Variants in ITFG1 observed in about 807,000 individuals in gnomAD.
ITFG1 encodes T-cell immunomodulatory protein.
ITFG1 carries 34 observed loss-of-function variants against 81.8 expected under a neutral mutation model. The observed-to-expected ratio is 0.42, with a 90% CI of 0.32 to 0.55. The LOEUF is 0.55. ITFG1 is among the 20% of genes least tolerant of loss of function. The pLI is 0.17. For synonymous variants in ITFG1, 285 were observed against 270.6 expected (o/e 1.05, Z -0.52); for missense variants, 672 against 755.4 (o/e 0.89, Z 1.29).
intron 7 of ITFG1, among the ~76,000 whole-genome samples, chr16:47,374,343 A>T (rs1048354771): frequency 6.6e-6 from 1 of 152,200 alleles, no homozygotes; most frequent in Non-Finnish European, 1.5e-5. Flanking sequence ...TTTAAAGAAA[A>T]CAATAACAAA....
chr16:47,377,945 C>G (rs147355553), intron 6 of ITFG1, among the ~76,000 whole-genome samples: 1 of 152,168 alleles, frequency 6.6e-6, no homozygotes, highest in South Asian at 2.1e-4. Context: ...AATAATTGCT[C>G]TATTATGTCT....
At chr16:47,379,627 G>A (rs1968370458) in intron 6 of ITFG1, among the ~76,000 whole-genome samples, 1 of 151,466 alleles carries the variant, frequency 6.6e-6, no homozygotes, top group Non-Finnish European at 1.5e-5. Flanking sequence ...GGAGGTTGCA[G>A]TGAGCCGAGA....
chr16:47,446,122 AAAC>A (rs1485151873), intron 5 of ITFG1, among the ~76,000 whole-genome samples: 2 of 152,354 alleles, frequency 1.3e-5, no homozygotes, highest in East Asian at 1.9e-4. Context: ...ACATTTAATG[AAAC>A]AACAACAAGC....
rs79578974 is a variant in ITFG1, at chr16:47,373,887, C to A, written c.720+1989G>T. ...TAGTATGTGACTGCAAAGTCTCTGT[C>A]CAATCTCTAATTGAAAATGATCATT... On this transcript the variant is annotated intron_variant, in intron 7 of 17. Transcript: ENST00000320640. 2.2e-3 allele frequency among the ~76,000 whole-genome samples: 329 copies of A among 152,228 alleles called. 1 individual carries two copies. Among genetic ancestry groups the A allele is most frequent in the East Asian group, 0.014 (73 of 5,190 alleles).
chr16:47,239,315 C>T (rs1307783965), intron 12 of ITFG1, among the ~76,000 whole-genome samples: 2 of 152,096 alleles, frequency 1.3e-5, no homozygotes, highest in African/African-American at 2.4e-5. Flanking sequence ...ATTCTCCTGC[C>T]TCAGCCTCCC....
At chr16:47,214,102 G>A (rs1357554720) in intron 14 of ITFG1, among the ~76,000 whole-genome samples, 1 of 152,170 alleles carries the variant, frequency 6.6e-6, no homozygotes, top group Non-Finnish European at 1.5e-5. Context: ...TAAATTATGA[G>A]ATACCTAGCT....
chr16:47,166,226 A>G (rs772286738), intron 14 of ITFG1, among the ~76,000 whole-genome samples: 9 of 152,216 alleles, frequency 5.9e-5, no homozygotes, highest in Admixed American at 4.6e-4. Context: ...CCTTATGTTA[A>G]AAGACTTATT....
chr16:47,296,725 C>T (rs1966987638), intron 10 of ITFG1, among the ~76,000 whole-genome samples: 1 of 152,194 alleles, frequency 6.6e-6, no homozygotes, highest in Non-Finnish European at 1.5e-5. Context: ...CTTGGGCCAC[C>T]GCGCCTGGCT....
intron 14 of ITFG1, among the ~76,000 whole-genome samples, chr16:47,169,913 A>C (rs1461561230): frequency 4.6e-5 from 7 of 152,188 alleles, no homozygotes; most frequent in Non-Finnish European, 1.0e-4. Context: ...AGTTTTGTCA[A>C]ATTTTTTTTA....
chr16:47,452,181 T>C (rs1969397691), intron 4 of ITFG1, among the ~76,000 whole-genome samples: 1 of 152,194 alleles, frequency 6.6e-6, no homozygotes, highest in Non-Finnish European at 1.5e-5. Context: ...AGAAAGACAG[T>C]ACTGGAAACA....
rs796794212 is a variant in ITFG1, at chr16:47,278,932, CAA to C, written c.1071-18239_1071-18238del. ...GAAATTCTTACATTTCTTCTGCATT[CAA>C]AGTTTAACATTCATAAAAAATTAGG... On this transcript the variant is annotated intron_variant, in intron 10 of 17. Transcript: ENST00000320640. Among the ~76,000 whole-genome samples, 122 of 152,200 alleles carry C rather than the reference CAA, an allele frequency of 8.0e-4. 1 individual carries two copies. The highest frequency in any genetic ancestry group is 2.8e-3 in the African/African-American group (116 of 41,546).
chr16:47,443,519 C>G (rs970575835), intron 5 of ITFG1, among the ~76,000 whole-genome samples: 1 of 152,088 alleles, frequency 6.6e-6, no homozygotes. Flanking sequence ...AAATGATAGA[C>G]TGGATTAAGA....
chr16:47,302,934 G>C (rs1239236783), intron 10 of ITFG1, among the ~76,000 whole-genome samples: 1 of 152,202 alleles, frequency 6.6e-6, no homozygotes, highest in Non-Finnish European at 1.5e-5. Flanking sequence ...CAAAAACAGA[G>C]ACGGGGTCTT....
At chr16:47,207,688 C>A (rs1167515336) in intron 14 of ITFG1, among the ~76,000 whole-genome samples, 1 of 152,116 alleles carries the variant, frequency 6.6e-6, no homozygotes, top group Non-Finnish European at 1.5e-5. Context: ...GAAGTAGATG[C>A]CGTCAGAGAG....
chr16:47,300,929 C>T (rs1967066006), intron 10 of ITFG1, among the ~76,000 whole-genome samples: 1 of 152,176 alleles, frequency 6.6e-6, no homozygotes, highest in African/African-American at 2.4e-5. Flanking sequence ...CTCAATTCTA[C>T]TACTAAGTGA....
intron 14 of ITFG1, among the ~76,000 whole-genome samples, chr16:47,178,021 A>G (rs984879299): frequency 1.3e-5 from 2 of 152,240 alleles, no homozygotes; most frequent in African/African-American, 4.8e-5. Flanking sequence ...ACGCCAAAAG[A>G]TATTATGACT....
At chr16:47,391,588 G>T (rs1193903542) in intron 6 of ITFG1, among the ~76,000 whole-genome samples, 1 of 152,136 alleles carries the variant, frequency 6.6e-6, no homozygotes, top group Non-Finnish European at 1.5e-5. Flanking sequence ...CATATATAGT[G>T]TTTAAAGTTC....
At chr16:47,396,122 T>G in intron 6 of ITFG1, 1 of 977,794 alleles carries the variant, frequency 1.0e-6, no homozygotes, top group Non-Finnish European at 1.2e-6. Context: ...TCCATTTTCT[T>G]AAGTATAGTG....
chr16:47,344,830 C>T (rs112926964), intron 8 of ITFG1, among the ~76,000 whole-genome samples: 9,199 of 152,218 alleles, frequency 0.06, 410 homozygotes, highest in African/African-American at 0.12. Flanking sequence ...TGTTGTCTTT[C>T]TGTGCCTGGC....
Sources: gnomAD v4.1 joint callset for allele counts (sites outside exome capture counted in the v4.1 genomes callset) on GRCh38, gnomAD v4.1.1 for gene constraint, MANE v1.5 for transcripts, NCBI Gene and HGNC (gene_info 2026-07-23, HGNC 2026-07-21) for gene names.